PSD3: variants seen among roughly 807,000 people sequenced by gnomAD.
PSD3 encodes PH and SEC7 domain-containing protein 3.
In PSD3, 49 loss-of-function variants were observed where a neutral mutation model predicts 105.5. The observed-to-expected ratio is 0.46, with a 90% CI of 0.37 to 0.59. The LOEUF (loss-of-function observed/expected upper bound fraction) is 0.59, where lower values mean the gene tolerates loss of function less well. PSD3 is among the 20% of genes least tolerant of loss of function. The pLI is 0.00. For missense variants in PSD3, 1,561 were observed against 1,263.8 expected (o/e 1.24, Z -3.57); for synonymous variants, 557 against 457.8 (o/e 1.22, Z -2.77).
chr8:18,830,629 G>C (rs1432333465), intron 4 of PSD3, among the ~76,000 whole-genome samples: 1 of 152,128 alleles, frequency 6.6e-6, no homozygotes, highest in Non-Finnish European at 1.5e-5. Flanking sequence ...GTTGGCTTTT[G>C]GGCAAACTTT....
chr8:18,697,822 G>C (rs1393007695), intron 9 of PSD3, among the ~76,000 whole-genome samples: 1 of 152,172 alleles, frequency 6.6e-6, no homozygotes, highest in Non-Finnish European at 1.5e-5. Flanking sequence ...ACACAGCACA[G>C]TCTGATCAGC....
rs183019887 is a variant in PSD3 at position 19,029,847 on chromosome 8, G to A, written c.324+54359C>T. ...CTAATAAATTTTATTTTTGTATGTCGATCTTGCATTCTGTGACCTTGCTAA... is the reference window on the plus strand; with the variant it reads ...CTAATAAATTTTATTTTTGTATGTCAATCTTGCATTCTGTGACCTTGCTAA... On this transcript the variant is annotated intron_variant, in intron 1 of 1. Transcript: ENST00000521475. Among the ~76,000 whole-genome samples, 437 of 152,020 alleles carry A rather than the reference G, an allele frequency of 2.9e-3. 2 individuals carry two copies. Among genetic ancestry groups the A allele is most frequent in the Admixed American group, 7.3e-3 (111 of 15,264 alleles).
At chr8:18,843,297 C>G (rs926953473) in intron 4 of PSD3, among the ~76,000 whole-genome samples, 11 of 145,286 alleles carry the variant, frequency 7.6e-5, no homozygotes, top group African/African-American at 2.6e-4. Flanking sequence ...GGAGGCGGAG[C>G]TTGCAGTGAG....
intron 9 of PSD3, among the ~76,000 whole-genome samples, chr8:18,710,193 C>T (rs574010110): frequency 7.9e-5 from 12 of 152,136 alleles, no homozygotes; most frequent in South Asian, 2.1e-4. Flanking sequence ...AACTTCACAA[C>T]GCAACCATGA....
At chr8:18,751,208 G>A (rs892285264) in intron 9 of PSD3, among the ~76,000 whole-genome samples, 4 of 152,194 alleles carry the variant, frequency 2.6e-5, no homozygotes, top group Admixed American at 2.0e-4. Context: ...GCTAAGGCCC[G>A]GCGAGAAATC....
chr8:19,071,019 T>C (rs1205379012), intron 1 of PSD3, among the ~76,000 whole-genome samples: 1 of 152,114 alleles, frequency 6.6e-6, no homozygotes, highest in Non-Finnish European at 1.5e-5. Flanking sequence ...GTGGATTTTC[T>C]CCTGATCATT....
intron 9 of PSD3, among the ~76,000 whole-genome samples, chr8:18,737,711 A>AT (rs893544998): frequency 2.6e-5 from 4 of 151,962 alleles, no homozygotes; most frequent in South Asian, 2.1e-4. Context: ...TATATACCTT[A>AT]TTTTTTTTCC....
At chr8:19,031,673 T>C (rs1827776888) in intron 1 of PSD3, among the ~76,000 whole-genome samples, 1 of 152,144 alleles carries the variant, frequency 6.6e-6, no homozygotes, top group African/African-American at 2.4e-5. Flanking sequence ...ACAACAACTA[T>C]ATTTGACTCA....
chr8:18,573,433 G>A (rs1053717263), intron 13 of PSD3, among the ~76,000 whole-genome samples: 16 of 152,156 alleles, frequency 1.1e-4, no homozygotes, highest in African/African-American at 1.7e-4. Context: ...TCACGCCACC[G>A]CACTCCAGGC....
chr8:18,765,356 A>T, intron 9 of PSD3, 93 bp downstream of exon 9: 2 of 1,196,752 alleles, frequency 1.7e-6, no homozygotes, highest in South Asian at 2.5e-5. Flanking sequence ...AAAAAGCAAA[A>T]TACTTAAGTG....
intron 2 of PSD3, among the ~76,000 whole-genome samples, chr8:18,928,917 A>T (rs2129468286): frequency 6.6e-6 from 1 of 152,050 alleles, no homozygotes; most frequent in African/African-American, 2.4e-5. Flanking sequence ...CCTGGGCTCA[A>T]ACAGTCCTCC....
At chr8:18,947,475 T>G (rs1281461812) in intron 1 of PSD3, among the ~76,000 whole-genome samples, 1 of 152,110 alleles carries the variant, frequency 6.6e-6, no homozygotes. Flanking sequence ...CCATTTCCAG[T>G]GTGAAAGACG....
Position 18,683,620 on chromosome 8 carries a change from G to A in PSD3, c.2173-27935C>T, listed in dbSNP as rs551537281. The stretch of plus-strand genomic sequence containing the variant: ...TGTATCTGGAGTTCAGGTCCCATCC[G>A]TTTCACCTGATCGCACCTGATTCTC... On this transcript the variant is annotated intron_variant, in intron 9 of 15. Transcript: ENST00000327040. 1.6e-4 allele frequency among the ~76,000 whole-genome samples: 25 copies of A among 152,184 alleles called. No individual in the cohort carries two copies. In the East Asian group the frequency reaches 3.7e-3, roughly 22 times the overall value.
chr8:18,578,748 T>A (rs573129693), intron 12 of PSD3, among the ~76,000 whole-genome samples: 35 of 145,412 alleles, frequency 2.4e-4, no homozygotes, highest in East Asian at 2.3e-3. Flanking sequence ...AAAAAAAAAA[T>A]TTAATGCTAC....
chr8:18,708,446 A>ATTCT (rs1802032519), intron 9 of PSD3, among the ~76,000 whole-genome samples: 1 of 152,056 alleles, frequency 6.6e-6, no homozygotes, highest in Non-Finnish European at 1.5e-5. Flanking sequence ...AAAAATTAGA[A>ATTCT]AATTTTTTTT....
chr8:18,678,614 C>T (rs549323536), intron 9 of PSD3, among the ~76,000 whole-genome samples: 2 of 152,290 alleles, frequency 1.3e-5, no homozygotes, highest in South Asian at 2.1e-4. Flanking sequence ...GAGTTCAAGA[C>T]CAGCCCGACA....
intron 1 of PSD3, among the ~76,000 whole-genome samples, chr8:18,940,903 C>G (rs993682122): frequency 6.6e-6 from 1 of 152,190 alleles, no homozygotes; most frequent in Admixed American, 6.5e-5. Flanking sequence ...CTGGACCTGT[C>G]TGCCTTCTCC....
intron 1 of PSD3, among the ~76,000 whole-genome samples, chr8:19,036,729 C>G (rs1452155379): frequency 1.3e-5 from 2 of 152,138 alleles, no homozygotes; most frequent in Non-Finnish European, 2.9e-5. Flanking sequence ...GAACCCCAGG[C>G]TGAATACTAT....
rs114629793 is a variant in PSD3, at chr8:18,546,244, G to A, written c.2928+9965C>T. 5.4e-3 allele frequency among the ~76,000 whole-genome samples: 821 copies of A among 152,282 alleles called. 8 individuals are homozygous for A. The highest frequency in any genetic ancestry group is 0.019 in the African/African-American group (781 of 41,558). ...ACTCTTGACCTGAGATGACCCACCTGTCTCAGCCTCCCAAAGTGCTGGGAT... is the reference window on the plus strand; with the variant it reads ...ACTCTTGACCTGAGATGACCCACCTATCTCAGCCTCCCAAAGTGCTGGGAT... On this transcript the variant is annotated intron_variant, in intron 15 of 15. Transcript: ENST00000327040.
Sources: allele counts gnomAD v4.1 joint callset (sites outside exome capture counted in the v4.1 genomes callset), GRCh38; gene constraint gnomAD v4.1.1; transcripts MANE v1.5; gene names NCBI Gene and HGNC (gene_info 2026-07-23, HGNC 2026-07-21).